Variants in EPB41L4A observed in about 807,000 individuals in gnomAD.
The protein encoded by EPB41L4A is erythrocyte membrane protein band 4.1 like 4A, also known as band 4.1-like protein 4A.
EPB41L4A carries 100 observed loss-of-function variants against 108.6 expected under a neutral mutation model. The ratio of observed to expected loss-of-function variants is 0.92; its 90% CI spans 0.78 to 1.09. The LOEUF (loss-of-function observed/expected upper bound fraction) is 1.09, where lower values mean the gene tolerates loss of function less well. Ranked by LOEUF, EPB41L4A falls within the 50% of genes least tolerant of loss-of-function variation. The probability of loss-of-function intolerance (pLI) is 0.00; values close to 1 mark genes in which losing one functional copy is unlikely to be tolerated. For synonymous variants in EPB41L4A, 319 were observed against 289.0 expected (o/e 1.10, Z -1.05); for missense variants, 1,030 against 842.7 (o/e 1.22, Z -2.75).
intron 1 of EPB41L4A, among the ~76,000 whole-genome samples, chr5:112,380,701 C>A (rs114914560): frequency 2.9e-4 from 44 of 151,876 alleles, no homozygotes; most frequent in Admixed American, 9.9e-4. Context: ...TTACAAAGCA[C>A]AGGGGAAAAA....
At position 112,163,144 on chromosome 5, in the gene EPB41L4A, G is replaced by C. The variant is rs974470219; in HGVS notation, c.*1846C>G. On this transcript the variant is annotated 3_prime_UTR_variant, in exon 23 of 23. Coordinates refer to ENST00000261486, the MANE Select transcript of EPB41L4A (RefSeq NM_022140.5). Reference sequence around the variant, plus strand: ...GAACTAGGTTGCTTATTGTTGTCTAGACAAGAGACCAGCTTGGACTAGTAA... The same window carrying C: ...GAACTAGGTTGCTTATTGTTGTCTACACAAGAGACCAGCTTGGACTAGTAA... The C allele has an allele frequency of 1.3e-5, 2 of 152,202 alleles. No individual in the cohort carries two copies. The highest frequency in any genetic ancestry group is 6.5e-5 in the Admixed American group (1 of 15,286). The allele number at this position is 152,202 out of a possible 1,614,324, so 9.4% of individuals were successfully genotyped here.
chr5:112,264,736 T>C lies in EPB41L4A; in HGVS notation c.554+160A>G. On this transcript the variant is annotated intron_variant, in intron 6 of 22. Coordinates refer to ENST00000261486, the MANE Select transcript of EPB41L4A (RefSeq NM_022140.5). ...CTTTTTAAATTACTGAAGTTTTCGA[T>C]GAGCATTTTAGAGTTAAAATCAGTT... The C allele has an allele frequency of 6.3e-6, 4 of 630,002 alleles. 1 individual carries two copies. The highest frequency in any genetic ancestry group is 9.8e-6 in the Non-Finnish European group (4 of 407,896). 39.0% of individuals were successfully genotyped at this position (630,002 alleles called of 1,614,324 possible).
At chr5:112,157,441 C>G (rs1166007401) in intron 12 of EPB41L4A, among the ~76,000 whole-genome samples, 1 of 152,176 alleles carries the variant, frequency 6.6e-6, no homozygotes, top group Non-Finnish European at 1.5e-5. Context: ...TCTCTTGCTA[C>G]CATAACAAAT....
intron 12 of EPB41L4A, among the ~76,000 whole-genome samples, chr5:112,220,728 C>A (rs770977223): frequency 1.1e-4 from 16 of 152,126 alleles, no homozygotes; most frequent in Non-Finnish European, 2.2e-4. Context: ...ATCTCCCAAC[C>A]CTCTGTCATT....
intron 12 of EPB41L4A, among the ~76,000 whole-genome samples, chr5:112,229,272 A>C (rs973582617): frequency 1.3e-5 from 2 of 152,244 alleles, no homozygotes; most frequent in Admixed American, 1.3e-4. Context: ...ATTGTGCTAC[A>C]AATGGCAGAG....
At chr5:112,347,620 G>A (rs4958041) in intron 1 of EPB41L4A, among the ~76,000 whole-genome samples, 22,770 of 152,194 alleles carry the variant, frequency 0.15, 1,831 homozygotes, top group East Asian at 0.32. Context: ...TATTCACCCG[G>A]TAACAGAATT....
intron 1 of EPB41L4A, among the ~76,000 whole-genome samples, chr5:112,312,630 A>G (rs766728465): frequency 6.6e-6 from 1 of 152,244 alleles, no homozygotes; most frequent in Non-Finnish European, 1.5e-5. Flanking sequence ...TAATATGATA[A>G]GACTTAGAGA....
intron 2 of EPB41L4A, among the ~76,000 whole-genome samples, chr5:112,305,567 C>T (rs1229773918): frequency 6.6e-6 from 1 of 152,062 alleles, no homozygotes; most frequent in African/African-American, 2.4e-5. Context: ...GTCAGATATG[C>T]AGGATTGCTT....
intron 12 of EPB41L4A, 108 bp from the exon 13 acceptor site, chr5:112,210,090 A>G (rs1762663479): frequency 3.2e-6 from 2 of 621,270 alleles, no homozygotes; most frequent in East Asian, 2.9e-5. Context: ...ACTGTGGCAC[A>G]TTTTATTGAT....
At chr5:112,195,869 C>T (rs779044240) in intron 15 of EPB41L4A, among the ~76,000 whole-genome samples, 161 bp from the exon 16 acceptor site, 24 of 152,286 alleles carry the variant, frequency 1.6e-4, no homozygotes, top group Non-Finnish European at 3.4e-4. Context: ...CTACATACAA[C>T]ACGTCCCAGA....
rs80185346 is a variant in EPB41L4A at position 112,337,969 on chromosome 5, C to T, written c.100-30479G>A. 7.0e-3 allele frequency among the ~76,000 whole-genome samples: 1,071 copies of T among 152,180 alleles called. 9 individuals are homozygous for T. Among genetic ancestry groups the T allele is most frequent in the African/African-American group, 0.025 (1,024 of 41,516 alleles). The stretch of plus-strand genomic sequence containing the variant: ...GGGCACATGGAAAGACAAAAGAGGA[C>T]CCCATTTGTCTGAGGGTGAGATATC... On this transcript the variant is annotated intron_variant, in intron 1 of 22. Transcript: ENST00000261486.
At chr5:112,207,151 G>C (rs1158776251) in intron 13 of EPB41L4A, 7 of 152,194 alleles carry the variant, frequency 4.6e-5, no homozygotes, top group Non-Finnish European at 1.5e-5. Context: ...ACAACCATCT[G>C]ATCTTCAACA....
In EPB41L4A at chr5:112,205,478, C is replaced by T. The variant is rs1216945614; in HGVS notation, c.1205G>A (p.Ser402Asn). 2 of 1,612,070 alleles carry T rather than the reference C, an allele frequency of 1.2e-6. No homozygotes were observed. Among genetic ancestry groups the T allele is most frequent in the African/African-American group, 2.7e-5 (2 of 74,742 alleles). The change falls in exon 14 of 23, where the codon AGC becomes AAC. Residue 402 changes from serine (S) to asparagine (N), a missense_variant. Transcript: ENST00000261486. The stretch of plus-strand genomic sequence containing the variant: ...AGATTTGCTTCTTTGGGTATCAGGG[C>T]TATTTTCATTCTTTGCTTTCTTAAA... ...KSFKKAKNEN[S>N]PDTQRSKSHA...
At chr5:112,346,720 T>C (rs1318903845) in intron 1 of EPB41L4A, among the ~76,000 whole-genome samples, 1 of 152,192 alleles carries the variant, frequency 6.6e-6, no homozygotes, top group African/African-American at 2.4e-5. Flanking sequence ...TATCAACCCT[T>C]TGTAATGTTG....
At chr5:112,314,502 T>C (rs1755280852) in intron 1 of EPB41L4A, among the ~76,000 whole-genome samples, 1 of 53,072 alleles carries the variant, frequency 1.9e-5, no homozygotes, top group Non-Finnish European at 3.1e-5. Flanking sequence ...ACCCCATCGC[T>C]ACTAAAAAAA....
At chr5:112,239,873 A>G (rs529302900) in intron 10 of EPB41L4A, 136 bp from the exon 11 acceptor site, 7 of 490,584 alleles carry the variant, frequency 1.4e-5, no homozygotes, top group Non-Finnish European at 2.5e-5. Flanking sequence ...CATGCAATTC[A>G]TACTCCATGA....
chr5:112,178,761 G>A (rs1185199883), intron 18 of EPB41L4A, among the ~76,000 whole-genome samples: 1 of 151,838 alleles, frequency 6.6e-6, no homozygotes, highest in Non-Finnish European at 1.5e-5. Context: ...GTGAGATATA[G>A]TTAAAGCATG....
At chr5:112,400,479 GC>G (rs1761671634) in intron 1 of EPB41L4A, among the ~76,000 whole-genome samples, 1 of 152,158 alleles carries the variant, frequency 6.6e-6, no homozygotes, top group Non-Finnish European at 1.5e-5. Flanking sequence ...GCCTCAGAGA[GC>G]TTTTACTGAT....
At chr5:112,361,927 G>T (rs188011870) in intron 1 of EPB41L4A, among the ~76,000 whole-genome samples, 3 of 152,018 alleles carry the variant, frequency 2.0e-5, no homozygotes, top group Non-Finnish European at 4.4e-5. Flanking sequence ...GAAAATAAGA[G>T]AATCTAATTC....
Sources: gnomAD v4.1 joint callset for allele counts (sites outside exome capture counted in the v4.1 genomes callset) on GRCh38, gnomAD v4.1.1 for gene constraint, MANE v1.5 for transcripts, NCBI Gene and HGNC (gene_info 2026-07-23, HGNC 2026-07-21) for gene names.